LRP1B: variants seen among roughly 807,000 people sequenced by gnomAD.
The protein encoded by LRP1B is LDL receptor related protein 1B, also known as low-density lipoprotein receptor-related protein 1B.
A neutral mutation model predicts 556.6 loss-of-function variants in LRP1B; 217 were observed. The observed-to-expected ratio is 0.39, with a 90% CI of 0.35 to 0.44. The LOEUF (loss-of-function observed/expected upper bound fraction) is 0.44. Among genes scored for constraint, LRP1B ranks in the 20% least tolerant of loss-of-function variants. The pLI is 1.00. For missense variants in LRP1B, 5,053 were observed against 5,620.8 expected, an observed-to-expected ratio of 0.90 and a Z score of 3.23; for synonymous variants, 2,047 against 1,865.8, an observed-to-expected ratio of 1.10 and a Z score of -2.50.
chr2:140,855,992 T>C (rs1383986731), intron 27 of LRP1B, among the ~76,000 whole-genome samples: 1 of 152,170 alleles, frequency 6.6e-6, no homozygotes, highest in Non-Finnish European at 1.5e-5. Flanking sequence ...TTACCTCTAC[T>C]CCTCCAACAT....
intron 7 of LRP1B, among the ~76,000 whole-genome samples, chr2:141,087,250 G>A (rs1305315368): frequency 1.3e-5 from 2 of 151,956 alleles, no homozygotes; most frequent in African/African-American, 2.4e-5. Context: ...TCTGATTTGT[G>A]GTCCGTCTTG....
chr2:141,666,643 C>A (rs1690449031), intron 2 of LRP1B, among the ~76,000 whole-genome samples: 1 of 152,150 alleles, frequency 6.6e-6, no homozygotes, highest in Non-Finnish European at 1.5e-5. Context: ...GGGAATGGTC[C>A]AGATACAAGT....
chr2:141,029,453 C>T (rs1485861153), intron 11 of LRP1B, among the ~76,000 whole-genome samples: 3 of 152,114 alleles, frequency 2.0e-5, no homozygotes, highest in Non-Finnish European at 2.9e-5. Context: ...AACAATTTAT[C>T]TTGCTACTCA....
chr2:141,286,720 A>T, intron 3 of LRP1B: 1 of 447,372 alleles, frequency 2.2e-6, no homozygotes, highest in Non-Finnish European at 4.5e-6. Context: ...GCTAAATCAT[A>T]TTATTCAATG....
intron 1 of LRP1B, among the ~76,000 whole-genome samples, chr2:142,047,746 A>C (rs1274919831): frequency 6.6e-6 from 1 of 151,794 alleles, no homozygotes; most frequent in Non-Finnish European, 1.5e-5. Flanking sequence ...AAGGCCCTTA[A>C]ACACATCCTG....
intron 43 of LRP1B, among the ~76,000 whole-genome samples, chr2:140,570,925 C>T (rs925312193): frequency 1.3e-5 from 2 of 151,768 alleles, no homozygotes; most frequent in African/African-American, 2.4e-5. Flanking sequence ...ACCATATAAT[C>T]ATCTTAATAG....
At chr2:141,918,626 C>A (rs1461749529) in intron 1 of LRP1B, among the ~76,000 whole-genome samples, 2 of 152,144 alleles carry the variant, frequency 1.3e-5, no homozygotes, top group South Asian at 4.1e-4. Flanking sequence ...AAATCAATTT[C>A]ATTCTATTAT....
chr2:141,876,080 CT>C (rs1419404240), intron 1 of LRP1B, among the ~76,000 whole-genome samples: 1 of 151,800 alleles, frequency 6.6e-6, no homozygotes, highest in Non-Finnish European at 1.5e-5. Context: ...TAAAATAAGT[CT>C]TAAAAAATTT....
intron 1 of LRP1B, among the ~76,000 whole-genome samples, chr2:141,826,971 T>C (rs1451525603): frequency 6.6e-6 from 1 of 152,234 alleles, no homozygotes; most frequent in African/African-American, 2.4e-5. Context: ...TCTTGCTTTG[T>C]GATCATTTTT....
chr2:141,945,754 T>G (rs1000573366), intron 1 of LRP1B, among the ~76,000 whole-genome samples: 1 of 147,592 alleles, frequency 6.8e-6, no homozygotes, highest in Non-Finnish European at 1.5e-5. Flanking sequence ...CAGAAATCAA[T>G]GCACTTCATC....
intron 65 of LRP1B, 43 bp from the exon 66 acceptor site, chr2:140,442,666 T>A: frequency 1.9e-6 from 3 of 1,594,266 alleles, no homozygotes; most frequent in Non-Finnish European, 1.7e-6. Context: ...TTGGAGAACA[T>A]ATTTATTTAT....
chr2:140,701,174 T>C (rs1686627156), intron 40 of LRP1B, among the ~76,000 whole-genome samples: 1 of 144,762 alleles, frequency 6.9e-6, no homozygotes, highest in African/African-American at 2.5e-5. Context: ...AACATTATTA[T>C]AACTTCCTTT....
chr2:141,597,700 T>A lies in LRP1B; in HGVS notation c.206-117167A>T, dbSNP rs569666714. 5.3e-5 allele frequency among the ~76,000 whole-genome samples: 8 copies of A among 152,224 alleles called. No individual in the cohort carries two copies. The East Asian group carries it at 1.5e-3, about 29-fold the overall frequency. The stretch of plus-strand genomic sequence containing the variant: ...GATCCTTTATTGGAAGATTAGCTTT[T>A]CTTTTTTTCTCTAAATCTCACAGCC... On this transcript the variant is annotated intron_variant, in intron 2 of 90. Transcript: ENST00000389484.
chr2:141,872,984 G>GA (rs1166032059), intron 1 of LRP1B, among the ~76,000 whole-genome samples: 2 of 151,936 alleles, frequency 1.3e-5, no homozygotes, highest in East Asian at 1.9e-4. Flanking sequence ...GAATCTGCTA[G>GA]AAAAAATGTT....
intron 77 of LRP1B, among the ~76,000 whole-genome samples, chr2:140,350,421 C>T (rs960674915): frequency 6.6e-6 from 1 of 151,870 alleles, no homozygotes; most frequent in East Asian, 1.9e-4. Context: ...AATAGTTATC[C>T]CTGCATTACG....
At chr2:142,091,259 G>A (rs1038905208) in intron 1 of LRP1B, among the ~76,000 whole-genome samples, 1 of 152,068 alleles carries the variant, frequency 6.6e-6, no homozygotes, top group African/African-American at 2.4e-5. Context: ...TGCTGCAGCT[G>A]AAGTGTTTAA....
At chr2:142,050,445 T>C (rs1704416118) in intron 1 of LRP1B, among the ~76,000 whole-genome samples, 1 of 152,132 alleles carries the variant, frequency 6.6e-6, no homozygotes, top group African/African-American at 2.4e-5. Context: ...ATACAATAAA[T>C]GTTCTTCTAT....
intron 35 of LRP1B, among the ~76,000 whole-genome samples, chr2:140,750,914 A>T (rs1028048812): frequency 6.6e-6 from 1 of 151,978 alleles, no homozygotes; most frequent in Non-Finnish European, 1.5e-5. Flanking sequence ...AGTAAACTGA[A>T]ACCACTCCAG....
At position 141,831,219 on chromosome 2, in the gene LRP1B, A is replaced by T. The variant is rs151288729; in HGVS notation, c.83-20818T>A. Among the ~76,000 whole-genome samples the T allele has an allele frequency of 3.0e-3, 457 of 151,856 alleles. 15 individuals carry two copies. Among genetic ancestry groups the T allele is most frequent in the Admixed American group, 0.023 (358 of 15,238 alleles). On this transcript the variant is annotated intron_variant, in intron 1 of 90. Transcript: ENST00000389484. ...TCCAAGGACTAAAAGTAGTCACTTT[A>T]TATATATAAAATAATATGAATATAC...
Sources: allele counts gnomAD v4.1 joint callset (sites outside exome capture counted in the v4.1 genomes callset), GRCh38; gene constraint gnomAD v4.1.1; transcripts MANE v1.5; gene names NCBI Gene and HGNC (gene_info 2026-07-23, HGNC 2026-07-21).